Variants in TDRD7 observed in about 807,000 individuals in gnomAD.
TDRD7 encodes tudor domain-containing protein 7.
In TDRD7, 47 loss-of-function variants were observed where a neutral mutation model predicts 109.8. The ratio of observed to expected loss-of-function variants is 0.43; its 90% CI spans 0.34 to 0.55. The LOEUF (loss-of-function observed/expected upper bound fraction) is 0.55, where lower values mean the gene tolerates loss of function less well. TDRD7 is among the 20% of genes least tolerant of loss of function. The pLI is 0.03. For missense variants in TDRD7, 1,164 were observed against 1,319.2 expected (o/e 0.88, Z 1.82); for synonymous variants, 424 against 457.3 (o/e 0.93, Z 0.93).
intron 1 of TDRD7, among the ~76,000 whole-genome samples, chr9:97,419,664 TC>T (rs1469588930): frequency 2.0e-5 from 3 of 152,208 alleles, no homozygotes; most frequent in Non-Finnish European, 4.4e-5. Flanking sequence ...CTCCAGCTGT[TC>T]CATTGTCTTG....
At chr9:97,444,920 G>C (rs139835351) in intron 6 of TDRD7, among the ~76,000 whole-genome samples, 2 of 152,180 alleles carry the variant, frequency 1.3e-5, no homozygotes, top group African/African-American at 2.4e-5. Context: ...TTAGTATGCT[G>C]TAAGCCGCTT....
At chr9:97,452,505 G>T (rs1828515699) in intron 6 of TDRD7, among the ~76,000 whole-genome samples, 1 of 152,162 alleles carries the variant, frequency 6.6e-6, no homozygotes, top group African/African-American at 2.4e-5. Flanking sequence ...ACTGGAAAGT[G>T]CTTACAATTC....
At position 97,465,020 on chromosome 9, in the gene TDRD7, A is replaced by G; in HGVS notation, c.1621A>G (p.Lys541Glu). Residue 541 changes from lysine (K) to glutamate (E), a missense_variant, in exon 8 of 17, where the codon AAA becomes GAA. Transcript: ENST00000355295. ...ACAGGTCATCTCAACAGAAGAGAACAAAATAAAGGCAAGCACTGTTTACTT... is the reference window on the plus strand; with the variant it reads ...ACAGGTCATCTCAACAGAAGAGAACGAAATAAAGGCAAGCACTGTTTACTT... ...RAQVISTEEN[K>E]IKVCYVDYGF... 1.9e-6 allele frequency: 3 copies of G among 1,613,842 alleles called. No homozygotes were observed. Among genetic ancestry groups the G allele is most frequent in the South Asian group, 1.1e-5 (1 of 91,028 alleles).
At chr9:97,441,940 A>G in intron 6 of TDRD7, 65 bp downstream of exon 6, 3 of 1,327,384 alleles carry the variant, frequency 2.3e-6, no homozygotes, top group Admixed American at 3.4e-5. Flanking sequence ...ATCTTGAGTT[A>G]TTAGTCATAT....
intron 8 of TDRD7, among the ~76,000 whole-genome samples, chr9:97,466,225 G>A (rs113025796): frequency 3.3e-5 from 5 of 152,252 alleles, no homozygotes; most frequent in African/African-American, 1.2e-4. Flanking sequence ...GTGGGAGTTA[G>A]GAGGTCAGAA....
intron 1 of TDRD7, among the ~76,000 whole-genome samples, chr9:97,419,286 A>G (rs1052768976): frequency 6.6e-6 from 1 of 152,228 alleles, no homozygotes. Context: ...GAGATCAGAA[A>G]TGGATAGTCA....
intron 7 of TDRD7, among the ~76,000 whole-genome samples, chr9:97,462,310 G>A (rs1828739647): frequency 6.6e-6 from 1 of 152,176 alleles, no homozygotes; most frequent in Non-Finnish European, 1.5e-5. Context: ...TATGTCCAGG[G>A]TCGTCAGATT....
At chr9:97,482,416 C>G (rs1245498284) in intron 14 of TDRD7, among the ~76,000 whole-genome samples, 9 of 152,144 alleles carry the variant, frequency 5.9e-5, no homozygotes. Context: ...AAGCAGAACG[C>G]TCATAAATCA....
At position 97,465,048 on chromosome 9, in the gene TDRD7, T is replaced by C. The variant is rs1304790462; in HGVS notation, c.1629+20T>C. On this transcript the variant is annotated intron_variant, in intron 8 of 16. Transcript: ENST00000355295. Reference sequence around the variant, plus strand: ...ATAAAGGCAAGCACTGTTTACTTTGTCATAGCATTATGGATACAAATACCT... The same window carrying C: ...ATAAAGGCAAGCACTGTTTACTTTGCCATAGCATTATGGATACAAATACCT... 1 of 1,610,024 alleles carries C rather than the reference T, an allele frequency of 6.2e-7. No homozygotes were observed. The highest frequency in any genetic ancestry group is 8.5e-7 in the Non-Finnish European group (1 of 1,177,886).
In TDRD7 at chr9:97,432,157, A is replaced by C. The variant is rs1030925586; in HGVS notation, c.482A>C (p.Tyr161Ser). Reference protein sequence around the residue: ...GVKPDAEMSPYMLHTTLGNEA... With the variant: ...GVKPDAEMSPSMLHTTLGNEA... Reference sequence around the variant, plus strand: ...AAGCCTGATGCTGAAATGTCTCCTTATATGCTACACACAACTCTTGGAAAT... The same window carrying C: ...AAGCCTGATGCTGAAATGTCTCCTTCTATGCTACACACAACTCTTGGAAAT... Residue 161 changes from tyrosine to serine, a missense_variant, in exon 4 of 17, where the codon TAT becomes TCT. By Grantham distance (144) the Tyr-to-Ser change is moderately radical. Coordinates refer to ENST00000355295, the MANE Select transcript of TDRD7 (RefSeq NM_014290.3). The C allele has an allele frequency of 6.2e-7, 1 of 1,613,898 alleles. No individual in the cohort carries two copies. Among genetic ancestry groups the C allele is most frequent in the East Asian group, 2.2e-5 (1 of 44,876 alleles).
At chr9:97,430,859 C>T in intron 2 of TDRD7, 74 bp from the exon 3 acceptor site, 2 of 1,595,770 alleles carry the variant, frequency 1.3e-6, no homozygotes, top group Non-Finnish European at 1.7e-6. Context: ...CTAAGATCCA[C>T]TTTTAAGAAC....
intron 1 of TDRD7, among the ~76,000 whole-genome samples, chr9:97,427,327 G>A (rs1275294626): frequency 6.6e-6 from 1 of 151,338 alleles, no homozygotes; most frequent in African/African-American, 2.4e-5. Flanking sequence ...TATTCATATG[G>A]CATTATGACT....
At chr9:97,420,816 A>G (rs1827886842) in intron 1 of TDRD7, among the ~76,000 whole-genome samples, 1 of 152,172 alleles carries the variant, frequency 6.6e-6, no homozygotes, top group African/African-American at 2.4e-5. Flanking sequence ...TGGGTTATAT[A>G]AGTGTATACT....
intron 2 of TDRD7, among the ~76,000 whole-genome samples, chr9:97,429,508 G>T (rs1386454705): frequency 6.6e-6 from 1 of 152,202 alleles, no homozygotes. Context: ...TTTCTATATG[G>T]GGGGATGAGG....
intron 7 of TDRD7, among the ~76,000 whole-genome samples, chr9:97,462,579 T>C (rs1587880446): frequency 6.6e-6 from 1 of 152,198 alleles, no homozygotes; most frequent in East Asian, 1.9e-4. Flanking sequence ...GAGGGTACTA[T>C]GGCAGAACCC....
intron 6 of TDRD7, among the ~76,000 whole-genome samples, chr9:97,459,237 A>G (rs2131147580): frequency 6.6e-6 from 1 of 152,352 alleles, no homozygotes; most frequent in South Asian, 2.1e-4. Flanking sequence ...CTGTAGAGCA[A>G]AAGCAGCCAG....
chr9:97,460,118 GT>G (rs1332081754), intron 6 of TDRD7, 59 bp from the exon 7 acceptor site: 30 of 1,416,190 alleles, frequency 2.1e-5, no homozygotes, highest in Non-Finnish European at 2.9e-5. Flanking sequence ...GCATTAATGT[GT>G]TTGTGGGTTG....
chr9:97,442,777 C>T (rs1355683302), intron 6 of TDRD7, among the ~76,000 whole-genome samples: 1 of 151,982 alleles, frequency 6.6e-6, no homozygotes, highest in Non-Finnish European at 1.5e-5. Flanking sequence ...AGCACCTGGC[C>T]TAAAGAAAGC....
intron 6 of TDRD7, among the ~76,000 whole-genome samples, chr9:97,453,443 G>A (rs750445589): frequency 1.3e-5 from 2 of 152,150 alleles, no homozygotes; most frequent in Non-Finnish European, 2.9e-5. Context: ...ACCATAATAA[G>A]TGTGTGAATC....
Sources: allele counts gnomAD v4.1 joint callset (sites outside exome capture counted in the v4.1 genomes callset), GRCh38; gene constraint gnomAD v4.1.1; transcripts MANE v1.5; gene names NCBI Gene and HGNC (gene_info 2026-07-23, HGNC 2026-07-21).